Variants in HORMAD2 observed in about 807,000 individuals in gnomAD.
HORMAD2 encodes HORMA domain containing 2, also known as HORMA domain-containing protein 2.
Under a neutral mutation model 38.8 loss-of-function variants are expected in HORMAD2, and 45 were observed. The observed-to-expected ratio is 1.16, with a 90% confidence interval of 0.91 to 1.49. The LOEUF is 1.49. Ranked by LOEUF, HORMAD2 falls within the 40% of genes most tolerant of loss-of-function variation. HORMAD2 has a pLI of 0.00. For synonymous variants in HORMAD2, 126 were observed against 122.8 expected, an observed-to-expected ratio of 1.03 and a Z score of -0.17; for missense variants, 338 against 367.0, an observed-to-expected ratio of 0.92 and a Z score of 0.65.
intron 5 of HORMAD2, among the ~76,000 whole-genome samples, chr22:30,108,246 C>G (rs751695143): frequency 6.6e-6 from 1 of 152,112 alleles, no homozygotes; most frequent in Non-Finnish European, 1.5e-5. Flanking sequence ...CCACTGTCCA[C>G]ACTGCATACT....
the HORMAD2 span, among the ~76,000 whole-genome samples, chr22:30,201,820 C>CG: frequency 6.6e-6 from 1 of 152,054 alleles, no homozygotes; most frequent in African/African-American, 2.4e-5. Context: ...GCTCATGAAC[C>CG]ATATTTCAAG....
At chr22:30,143,143 T>C (rs1223314872) in intron 10 of HORMAD2, among the ~76,000 whole-genome samples, 1 of 152,188 alleles carries the variant, frequency 6.6e-6, no homozygotes, top group African/African-American at 2.4e-5. Flanking sequence ...TCAAACAATA[T>C]ACCATATGCA....
At position 30,176,667 on chromosome 22, in the gene HORMAD2, C is replaced by T. The variant is rs1181598484; in HGVS notation, c.*500C>T. 1.3e-5 allele frequency: 2 copies of T among 153,274 alleles called. No homozygotes were observed. The highest frequency in any genetic ancestry group is 2.9e-5 in the Non-Finnish European group (2 of 68,334). 9.5% of individuals were successfully genotyped at this position (153,274 alleles called of 1,614,324 possible). A position where few individuals can be genotyped will look rare whatever the true frequency, so the allele number is the denominator to read the frequency against. On this transcript the variant is annotated 3_prime_UTR_variant, in exon 11 of 11. Transcript: ENST00000336726. ...GTGATTTATGTGTTAACCTCAGTCA[C>T]GAGGTTGATCAGCTAATTGTGGGAC...
intron 10 of HORMAD2, among the ~76,000 whole-genome samples, chr22:30,152,956 C>T (rs1924844502): frequency 6.6e-6 from 1 of 152,096 alleles, no homozygotes; most frequent in South Asian, 2.1e-4. Context: ...ATATCTTTAA[C>T]CTTCTTTCGG....
chr22:30,151,209 G>C (rs1194155838), intron 10 of HORMAD2, among the ~76,000 whole-genome samples: 1 of 151,942 alleles, frequency 6.6e-6, no homozygotes, highest in Non-Finnish European at 1.5e-5. Flanking sequence ...CTGTCTTTTC[G>C]CTTGTTCTTT....
In HORMAD2 at chr22:30,110,383, C is replaced by CT. The variant is rs10712471; in HGVS notation, c.295-1393dup. ...ATTGCTATCGAATTGTGAGCATATACTTTTTTTTTTTTTTTTTTTTGAGAT... is the reference window on the plus strand; with the variant it reads ...ATTGCTATCGAATTGTGAGCATATACTTTTTTTTTTTTTTTTTTTTTGAGAT... On this transcript the variant is annotated intron_variant, in intron 5 of 10. Transcript: ENST00000336726. Among the ~76,000 whole-genome samples the CT allele has an allele frequency of 1.7e-3, 176 of 103,296 alleles. 2 individuals carry two copies. The highest frequency in any genetic ancestry group is 2.6e-3 in the Non-Finnish European group (142 of 54,388). The allele number at this position is 103,296 out of a possible 152,430, so 67.8% of individuals were successfully genotyped here. A position where few individuals can be genotyped will look rare whatever the true frequency, so the allele number is the denominator to read the frequency against.
In HORMAD2 at chr22:30,097,569, G is replaced by A. The variant is rs117030923; in HGVS notation, c.52-1283G>A. On this transcript the variant is annotated intron_variant, in intron 2 of 10. Coordinates refer to ENST00000336726, the MANE Select transcript of HORMAD2 (RefSeq NM_152510.4). ...AAGCACAAAAGTATGGAAAAACATG[G>A]CAGTAGAATAGTAGATGAATAGCCA... Among the ~76,000 whole-genome samples, 803 of 152,254 alleles carry A rather than the reference G, an allele frequency of 5.3e-3. 5 individuals are homozygous for A. The highest frequency in any genetic ancestry group is 8.9e-3 in the Non-Finnish European group (607 of 68,028).
intron 5 of HORMAD2, among the ~76,000 whole-genome samples, chr22:30,105,988 T>C (rs768173350): frequency 6.6e-6 from 1 of 152,132 alleles, no homozygotes; most frequent in Admixed American, 6.6e-5. Flanking sequence ...CTATGTCATA[T>C]TGGGCTTTAC....
rs547711139 is a variant in HORMAD2, at chr22:30,176,416, AG to A, written c.*251del. On this transcript the variant is annotated 3_prime_UTR_variant, in exon 11 of 11. Transcript: ENST00000336726. ...TTACTTCAAAGCTGGGTTAGAGATG[AG>A]GCACCTTTTATATTATATTTGTAAA... 2.2e-4 allele frequency: 83 copies of A among 378,646 alleles called. No individual in the cohort carries two copies. The highest frequency in any genetic ancestry group is 1.5e-3 in the African/African-American group (73 of 47,928). The allele number at this position is 378,646 out of a possible 1,614,324, so 23.5% of individuals were successfully genotyped here.
chr22:30,119,693 G>C (rs1334437230), intron 8 of HORMAD2, among the ~76,000 whole-genome samples: 1 of 152,202 alleles, frequency 6.6e-6, no homozygotes, highest in East Asian at 1.9e-4. Context: ...TGGCACAGTA[G>C]TGGAAGGTAC....
At chr22:30,139,284 A>ATATC (rs886517412) in intron 10 of HORMAD2, among the ~76,000 whole-genome samples, 2 of 137,630 alleles carry the variant, frequency 1.5e-5, no homozygotes, top group Admixed American at 7.4e-5. Context: ...ATATATATAT[A>ATATC]TATCCTCTGT....
intron 10 of HORMAD2, among the ~76,000 whole-genome samples, chr22:30,141,126 T>G (rs968572262): frequency 6.6e-6 from 1 of 152,018 alleles, no homozygotes; most frequent in African/African-American, 2.4e-5. Flanking sequence ...GCCTCCTGAG[T>G]AGCTGGGATT....
At chr22:30,131,583 G>A (rs938400432) in intron 10 of HORMAD2, among the ~76,000 whole-genome samples, 2 of 152,078 alleles carry the variant, frequency 1.3e-5, no homozygotes, top group East Asian at 3.8e-4. Flanking sequence ...GCTAAAGGCA[G>A]AGAATACTGT....
intron 10 of HORMAD2, among the ~76,000 whole-genome samples, chr22:30,139,058 A>AT (rs1167715951): frequency 6.6e-6 from 1 of 151,626 alleles, no homozygotes; most frequent in African/African-American, 2.4e-5. Context: ...GCTCCAGCAG[A>AT]TTGCCTTAGA....
chr22:30,122,044 A>G lies in HORMAD2; in HGVS notation c.649A>G (p.Asn217Asp), dbSNP rs1231304146. The change falls in exon 10 of 11, where the codon AAC (asparagine) becomes GAC (aspartate). Residue 217 changes from asparagine to aspartate, a missense_variant. By Grantham distance (23) the Asn-to-Asp change is conservative (BLOSUM62 1). Transcript: ENST00000336726. ...CCTGCTGTTTGACAAGGAGCCTATC[A>G]ACGTGCAAGTGGGATTTGTCTCCAC... ...HFLLFDKEPI[N>D]VQVGFVSTGF... The G allele has an allele frequency of 1.2e-6, 2 of 1,613,480 alleles. No homozygotes were observed. Among genetic ancestry groups the G allele is most frequent in the Non-Finnish European group, 1.7e-6 (2 of 1,179,740 alleles).
intron 10 of HORMAD2, among the ~76,000 whole-genome samples, chr22:30,162,701 C>CTT (rs750684089): frequency 2.3e-4 from 28 of 124,174 alleles, no homozygotes; most frequent in African/African-American, 2.9e-4. Flanking sequence ...TTGTGGACAT[C>CTT]TTTTTTTTTT....
chr22:30,162,141 C>T (rs543513802), intron 10 of HORMAD2, among the ~76,000 whole-genome samples: 49 of 152,174 alleles, frequency 3.2e-4, no homozygotes, highest in Admixed American at 2.3e-3. Flanking sequence ...GGTGAAAACC[C>T]GTCTCTACCA....
the HORMAD2 span, among the ~76,000 whole-genome samples, chr22:30,191,877 C>T: frequency 6.6e-6 from 1 of 151,584 alleles, no homozygotes; most frequent in African/African-American, 2.4e-5. Flanking sequence ...CCATACCCAC[C>T]TTGATTTTCC....
At chr22:30,182,378 T>C in the HORMAD2 span, among the ~76,000 whole-genome samples, 3 of 152,230 alleles carry the variant, frequency 2.0e-5, no homozygotes, top group Non-Finnish European at 4.4e-5. Context: ...GCTTTTTACG[T>C]CTTTTCAGTA....
Sources: gnomAD v4.1 joint callset for allele counts (sites outside exome capture counted in the v4.1 genomes callset) on GRCh38, gnomAD v4.1.1 for gene constraint, MANE v1.5 for transcripts, NCBI Gene and HGNC (gene_info 2026-07-23, HGNC 2026-07-21) for gene names.